Variants in ROBO1 observed in about 807,000 individuals in gnomAD.
The protein encoded by ROBO1 is roundabout homolog 1.
Under a neutral mutation model 195.9 loss-of-function variants are expected in ROBO1, and 149 were observed. The ratio of observed to expected loss-of-function variants is 0.76; its 90% CI spans 0.67 to 0.87. ROBO1 has a LOEUF of 0.87. ROBO1 is among the 40% of genes least tolerant of loss of function. The pLI, the probability that ROBO1 is intolerant of heterozygous loss-of-function variation, is 0.00. For missense variants in ROBO1, 1,933 were observed against 2,068.3 expected, an observed-to-expected ratio of 0.93 and a Z score of 1.27; for synonymous variants, 816 against 733.2, an observed-to-expected ratio of 1.11 and a Z score of -1.82.
chr3:78,648,650 C>T (rs1706450846), intron 19 of ROBO1, among the ~76,000 whole-genome samples: 2 of 146,626 alleles, frequency 1.4e-5, no homozygotes, highest in African/African-American at 5.1e-5. Flanking sequence ...CCAATCTCTT[C>T]ATGTTAAATT....
At chr3:79,662,734 C>T (rs774201521) in intron 1 of ROBO1, among the ~76,000 whole-genome samples, 3 of 152,024 alleles carry the variant, frequency 2.0e-5, no homozygotes, top group Non-Finnish European at 4.4e-5. Flanking sequence ...ATTTGCTCAA[C>T]TTGTAAGGTT....
intron 2 of ROBO1, among the ~76,000 whole-genome samples, chr3:79,588,050 A>G (rs910502392): frequency 1.3e-5 from 2 of 151,754 alleles, no homozygotes; most frequent in African/African-American, 4.8e-5. Flanking sequence ...TGTTGCCTCA[A>G]AATGGGCCCT....
intron 4 of ROBO1, among the ~76,000 whole-genome samples, chr3:78,881,924 G>A (rs2036204134): frequency 6.6e-6 from 1 of 152,212 alleles, no homozygotes; most frequent in South Asian, 2.1e-4. Flanking sequence ...TAGAGGTTAT[G>A]AATTTTAACT....
At chr3:78,962,163 T>A (rs1478066166) in intron 3 of ROBO1, among the ~76,000 whole-genome samples, 1 of 152,146 alleles carries the variant, frequency 6.6e-6, no homozygotes, top group Non-Finnish European at 1.5e-5. Flanking sequence ...CTAACTCCCA[T>A]GAACACCAAG....
chr3:78,631,085 C>T lies in ROBO1; in HGVS notation c.3626+76G>A, dbSNP rs1705149966. On this transcript the variant is annotated intron_variant, in intron 25 of 30. Coordinates refer to ENST00000464233, the MANE Select transcript of ROBO1 (RefSeq NM_002941.4). ...TAGGAATCAGTCTTCTCTTGACCAC[C>T]TAGTATAATAATTGCTGAAAATGGG... 4 of 1,451,234 alleles carry T rather than the reference C, an allele frequency of 2.8e-6. No homozygotes were observed. In the South Asian group the frequency reaches 5.4e-5, roughly 20 times the overall value. The allele number at this position is 1,451,234 out of a possible 1,614,324, so 89.9% of individuals were successfully genotyped here.
At chr3:79,605,910 A>T (rs2107890269) in intron 1 of ROBO1, among the ~76,000 whole-genome samples, 1 of 151,918 alleles carries the variant, frequency 6.6e-6, no homozygotes, top group African/African-American at 2.4e-5. Context: ...AATGCTTTCG[A>T]GTAAAACACG....
intron 2 of ROBO1, among the ~76,000 whole-genome samples, chr3:79,209,547 G>GT (rs2081934414): frequency 6.6e-6 from 1 of 151,960 alleles, no homozygotes; most frequent in South Asian, 2.1e-4. Flanking sequence ...TCAAATGATA[G>GT]TTCTACTTTT....
chr3:78,888,121 G>C (rs1486121694), intron 4 of ROBO1, among the ~76,000 whole-genome samples: 1 of 152,146 alleles, frequency 6.6e-6, no homozygotes, highest in Non-Finnish European at 1.5e-5. Flanking sequence ...GGGAATTTGA[G>C]GACAGAGGAA....
At chr3:79,653,400 A>C (rs1235780725) in intron 1 of ROBO1, among the ~76,000 whole-genome samples, 2 of 151,974 alleles carry the variant, frequency 1.3e-5, no homozygotes, top group African/African-American at 4.8e-5. Context: ...GAAAGCTAAA[A>C]ACCTCTCTCA....
At chr3:78,629,625 G>T (rs114658533) in intron 25 of ROBO1, among the ~76,000 whole-genome samples, 1,622 of 151,856 alleles carry the variant, frequency 0.011, 28 homozygotes, top group South Asian at 0.034. Flanking sequence ...GAGCTCTGGG[G>T]TGAGTCCCTG....
chr3:79,615,738 A>T (rs1944798401), intron 1 of ROBO1, among the ~76,000 whole-genome samples: 1 of 152,212 alleles, frequency 6.6e-6, no homozygotes, highest in South Asian at 2.1e-4. Flanking sequence ...ACCCAGACAA[A>T]TACAGACTCA....
intron 1 of ROBO1, among the ~76,000 whole-genome samples, chr3:79,679,857 G>A (rs1189318759): frequency 6.6e-6 from 1 of 151,944 alleles, no homozygotes; most frequent in East Asian, 1.9e-4. Context: ...CATTAGTAAA[G>A]GAAGGTAACA....
chr3:79,504,266 G>A (rs1392370460), intron 2 of ROBO1, among the ~76,000 whole-genome samples: 1 of 152,024 alleles, frequency 6.6e-6, no homozygotes, highest in Non-Finnish European at 1.5e-5. Flanking sequence ...ATAACCTTTT[G>A]TGGAAACATT....
At chr3:78,750,478 T>TAAAA (rs1043927709) in intron 4 of ROBO1, among the ~76,000 whole-genome samples, 2 of 146,712 alleles carry the variant, frequency 1.4e-5, no homozygotes, top group Non-Finnish European at 3.0e-5. Flanking sequence ...AATAAATAAA[T>TAAAA]AAATAAATAA....
intron 1 of ROBO1, among the ~76,000 whole-genome samples, chr3:79,600,919 T>C (rs1463458922): frequency 6.6e-6 from 1 of 152,004 alleles, no homozygotes; most frequent in African/African-American, 2.4e-5. Flanking sequence ...CAACTTACTA[T>C]GCACCATCCT....
chr3:78,883,664 A>G (rs2036320375), intron 4 of ROBO1, among the ~76,000 whole-genome samples: 1 of 152,190 alleles, frequency 6.6e-6, no homozygotes, highest in African/African-American at 2.4e-5. Context: ...CCTGCTAAAC[A>G]TATGATATTT....
chr3:79,542,166 G>A (rs1246531030), intron 2 of ROBO1, among the ~76,000 whole-genome samples: 1 of 151,812 alleles, frequency 6.6e-6, no homozygotes, highest in African/African-American at 2.4e-5. Context: ...ATCTCCAAAG[G>A]ACTGTCAGTA....
At chr3:79,725,223 CTTTTTTTT>C (rs35418345) in intron 1 of ROBO1, among the ~76,000 whole-genome samples, 3 of 106,508 alleles carry the variant, frequency 2.8e-5, no homozygotes, top group African/African-American at 1.1e-4. Flanking sequence ...CTCTCTTCTT[CTTTTTTTT>C]TTTTTTTTTT....
At chr3:79,107,807 G>C (rs1292721052) in intron 3 of ROBO1, among the ~76,000 whole-genome samples, 1 of 151,650 alleles carries the variant, frequency 6.6e-6, no homozygotes, top group African/African-American at 2.4e-5. Context: ...AGTCTTAACT[G>C]TTAGAGCTCA....
Sources: allele counts gnomAD v4.1 joint callset (sites outside exome capture counted in the v4.1 genomes callset), GRCh38; gene constraint gnomAD v4.1.1; transcripts MANE v1.5; gene names NCBI Gene and HGNC (gene_info 2026-07-23, HGNC 2026-07-21).